ANO6: variants seen among roughly 807,000 people sequenced by gnomAD.
ANO6 encodes anoctamin-6.
ANO6 carries 106 observed loss-of-function variants against 117.5 expected under a neutral mutation model. The ratio of observed to expected loss-of-function variants is 0.90; its 90% confidence interval spans 0.77 to 1.06. ANO6 has a LOEUF of 1.06. Ranked by LOEUF, ANO6 falls within the 50% of genes least tolerant of loss-of-function variation. The pLI is 0.00. For synonymous variants in ANO6, 367 were observed against 385.1 expected (o/e 0.95, Z 0.55); for missense variants, 955 against 1,121.1 (o/e 0.85, Z 2.12).
intron 1 of ANO6, among the ~76,000 whole-genome samples, chr12:45,274,980 C>T (rs1938507269): frequency 6.6e-6 from 1 of 151,624 alleles, no homozygotes; most frequent in Non-Finnish European, 1.5e-5. Flanking sequence ...AAACATTTAT[C>T]TCCAACTGAA....
intron 3 of ANO6, among the ~76,000 whole-genome samples, chr12:45,332,824 C>T (rs1346859809): frequency 6.6e-6 from 1 of 152,046 alleles, no homozygotes; most frequent in African/African-American, 2.4e-5. Flanking sequence ...GAAGAAAGTA[C>T]TCATGCTGCT....
At position 45,430,844 on chromosome 12, in the gene ANO6, A is replaced by T; in HGVS notation, c.*1533A>T. 1 of 985,460 alleles carries T rather than the reference A, an allele frequency of 1.0e-6. No homozygotes were observed. The highest frequency in any genetic ancestry group is 4.7e-5 in the South Asian group (1 of 21,278). The allele number at this position is 985,460 out of a possible 1,614,324, so 61.0% of individuals were successfully genotyped here. On this transcript the variant is annotated 3_prime_UTR_variant, in exon 20 of 20. Coordinates refer to ENST00000320560, the MANE Select transcript of ANO6 (RefSeq NM_001025356.3). ...CCAGGCCCTCTCACCCCTACTGGTA[A>T]CAGGTCATTGCTGGGTGCACAAGAG...
intron 1 of ANO6, among the ~76,000 whole-genome samples, chr12:45,222,380 C>T (rs1055494554): frequency 1.1e-4 from 17 of 151,830 alleles, no homozygotes; most frequent in Non-Finnish European, 2.4e-4. Context: ...AGGCTGGTTT[C>T]GAACTCCTGA....
chr12:45,350,043 G>T (rs1022506642), intron 6 of ANO6, among the ~76,000 whole-genome samples: 4 of 152,174 alleles, frequency 2.6e-5, no homozygotes, highest in Non-Finnish European at 4.4e-5. Flanking sequence ...CCCTGATTTG[G>T]CTGGGTGGTA....
intron 12 of ANO6, among the ~76,000 whole-genome samples, chr12:45,400,858 C>T (rs557210505): frequency 4.3e-4 from 65 of 152,324 alleles, no homozygotes; most frequent in African/African-American, 1.3e-3. Flanking sequence ...AGCAGTCACA[C>T]ACCTTGAGTG....
At chr12:45,407,648 C>G (rs140071446) in intron 15 of ANO6, among the ~76,000 whole-genome samples, 113 of 152,134 alleles carry the variant, frequency 7.4e-4, no homozygotes, top group Admixed American at 1.4e-3. Flanking sequence ...ATAACTGAGC[C>G]AAGAGTCTAC....
chr12:45,396,297 ACTT>A (rs1317181259), intron 12 of ANO6, among the ~76,000 whole-genome samples: 2 of 152,210 alleles, frequency 1.3e-5, no homozygotes, highest in African/African-American at 4.8e-5. Context: ...GATATGAAGG[ACTT>A]CTTCAAGGAG....
At chr12:45,321,364 A>G (rs2137368553) in intron 2 of ANO6, among the ~76,000 whole-genome samples, 1 of 152,262 alleles carries the variant, frequency 6.6e-6, no homozygotes, top group South Asian at 2.1e-4. Context: ...ACCTTTACCC[A>G]AGCATGATTT....
intron 1 of ANO6, among the ~76,000 whole-genome samples, chr12:45,272,186 G>GTT (rs5797936): frequency 7.5e-4 from 112 of 148,876 alleles, no homozygotes; most frequent in Admixed American, 2.4e-3. Context: ...ACCTTTTTGG[G>GTT]TTTTTTTTTC....
At chr12:45,270,795 A>C (rs1938371437) in intron 1 of ANO6, among the ~76,000 whole-genome samples, 2 of 152,136 alleles carry the variant, frequency 1.3e-5, no homozygotes, top group African/African-American at 2.4e-5. Flanking sequence ...TCCGTCACCC[A>C]TGCTGGAGTG....
At chr12:45,387,944 C>T (rs1220689727) in intron 10 of ANO6, among the ~76,000 whole-genome samples, 1 of 152,142 alleles carries the variant, frequency 6.6e-6, no homozygotes, top group African/African-American at 2.4e-5. Context: ...TTCCCTTCAC[C>T]TTACACCATG....
rs60329053 is a variant in ANO6 at position 45,429,252 on chromosome 12, G to C, written c.2674G>C (p.Val892Leu). Residue 892 changes from valine (V) to leucine (L), a missense_variant, in exon 20 of 20, where the codon GTG becomes CTG. Physicochemically the swap from Val to Leu is conservative, Grantham distance 32 (BLOSUM62 1). Coordinates refer to ENST00000320560, the MANE Select transcript of ANO6 (RefSeq NM_001025356.3). ...CAAAGATATGACGAAAAATATGGGG[G>C]TGATAGCTGAGCGGATGATAGAAGC... ...HLKDMTKNMG[V>L]IAERMIEAVD... The C allele has an allele frequency of 3.3e-3, 5,307 of 1,613,900 alleles. 155 individuals carry two copies. The African/African-American group carries it at 0.063, about 19-fold the overall frequency.
At chr12:45,319,903 G>C (rs1009602094) in intron 2 of ANO6, among the ~76,000 whole-genome samples, 2 of 152,124 alleles carry the variant, frequency 1.3e-5, no homozygotes. Context: ...GTTTATTGGC[G>C]TAGAAGTGTT....
At position 45,421,058 on chromosome 12, in the gene ANO6, T is replaced by G. The variant is rs777383883; in HGVS notation, c.2218-13T>G. 4 of 1,613,666 alleles carry G rather than the reference T, an allele frequency of 2.5e-6. No individual in the cohort carries two copies. The Admixed American group carries it at 6.7e-5, about 27-fold the overall frequency. On this transcript the variant is annotated splice_polypyrimidine_tract_variant and intron_variant, in intron 17 of 19. Coordinates refer to ENST00000320560, the MANE Select transcript of ANO6 (RefSeq NM_001025356.3). ...TATAACTTCATTTTCGCTTTGTTTT[T>G]CTCCCAAAATAGGCCATGATCATAG...
chr12:45,259,362 G>C (rs7953574), intron 1 of ANO6, among the ~76,000 whole-genome samples: 1 of 152,124 alleles, frequency 6.6e-6, no homozygotes, highest in Non-Finnish European at 1.5e-5. Flanking sequence ...ATTTTTCAGG[G>C]GAGCGAGTCA....
At position 45,429,092 on chromosome 12, in the gene ANO6, T is replaced by C; in HGVS notation, c.2527-13T>C. ...TTCTTTGTGAGTGACATTTTTCTTC[T>C]TCTCTTCCCCAGCACGTCATCTACT... is the stretch of plus-strand genomic sequence containing the variant. On this transcript the variant is annotated splice_polypyrimidine_tract_variant and intron_variant, in intron 19 of 19. Transcript: ENST00000320560. The C allele has an allele frequency of 6.2e-7, 1 of 1,612,494 alleles. No individual in the cohort carries two copies. The highest frequency in any genetic ancestry group is 8.5e-7 in the Non-Finnish European group (1 of 1,179,660).
chr12:45,353,228 A>G (rs1462724862), intron 7 of ANO6, among the ~76,000 whole-genome samples: 4 of 152,172 alleles, frequency 2.6e-5, no homozygotes, highest in Non-Finnish European at 5.9e-5. Flanking sequence ...ATTATTTTAT[A>G]TGGTCATACT....
intron 1 of ANO6, among the ~76,000 whole-genome samples, chr12:45,261,088 AC>A (rs1176078544): frequency 2.6e-5 from 4 of 151,992 alleles, no homozygotes; most frequent in Non-Finnish European, 4.4e-5. Context: ...CCCAAATGTT[AC>A]GTTTACAGGC....
intron 19 of ANO6, among the ~76,000 whole-genome samples, chr12:45,426,212 T>G (rs1043592266): frequency 6.6e-6 from 1 of 152,226 alleles, no homozygotes; most frequent in African/African-American, 2.4e-5. Flanking sequence ...GCCACCAGGC[T>G]TTAAGCTGGA....
Sources: gnomAD v4.1 joint callset for allele counts (sites outside exome capture counted in the v4.1 genomes callset) on GRCh38, gnomAD v4.1.1 for gene constraint, MANE v1.5 for transcripts, NCBI Gene and HGNC (gene_info 2026-07-23, HGNC 2026-07-21) for gene names.